The following GRAMD1B variants were observed in gnomAD, a reference collection of about 807,000 sequenced individuals.
The protein encoded by GRAMD1B is GRAM domain containing 1B, also known as protein Aster-B.
GRAMD1B carries 37 observed loss-of-function variants against 99.7 expected under a neutral mutation model. The observed-to-expected ratio is 0.37, with a 90% CI of 0.29 to 0.49. GRAMD1B has a LOEUF of 0.49. Ranked by LOEUF, GRAMD1B falls within the 20% of genes least tolerant of loss-of-function variation. GRAMD1B has a pLI of 0.98. For missense variants in GRAMD1B, 888 were observed against 1,009.2 expected, an observed-to-expected ratio of 0.88 and a Z score of 1.63; for synonymous variants, 427 against 387.6, an observed-to-expected ratio of 1.10 and a Z score of -1.19.
chr11:123,613,881 G>A (rs1013311340), intron 16 of GRAMD1B, among the ~76,000 whole-genome samples: 1 of 152,182 alleles, frequency 6.6e-6, no homozygotes, highest in South Asian at 2.1e-4. Flanking sequence ...ATTAACAAAA[G>A]CTGCCTTAGT....
In GRAMD1B at chr11:123,597,892, G is replaced by A. The variant is rs893644198; in HGVS notation, c.969+1855G>A. 5 of 846,546 alleles carry A rather than the reference G, an allele frequency of 5.9e-6. No homozygotes were observed. The African/African-American group carries it at 6.7e-5, about 11-fold the overall frequency. The allele number at this position is 846,546 out of a possible 1,614,324, so 52.4% of individuals were successfully genotyped here. On this transcript the variant is annotated intron_variant, in intron 7 of 19. Transcript: ENST00000635736. ...TTGGTTGGGAGAAATAGAACAAGCA[G>A]ATCTCAGGGAAGCCTGGGCTAGCCC... is the stretch of plus-strand genomic sequence containing the variant.
intron 16 of GRAMD1B, 129 bp from the exon 17 acceptor site, chr11:123,614,616 C>T (rs73029866): frequency 0.038 from 22,461 of 590,432 alleles, 599 homozygotes; most frequent in African/African-American, 0.092. Flanking sequence ...CTCCGCATAT[C>T]GTTGCTGTCA....
At chr11:123,505,686 C>T (rs1043344232) in intron 2 of GRAMD1B, among the ~76,000 whole-genome samples, 1 of 152,116 alleles carries the variant, frequency 6.6e-6, no homozygotes, top group Non-Finnish European at 1.5e-5. Flanking sequence ...GCTGAGTGGT[C>T]GAGTCAGAAT....
chr11:123,532,128 C>T (rs1041100556), intron 2 of GRAMD1B, among the ~76,000 whole-genome samples: 4 of 152,154 alleles, frequency 2.6e-5, no homozygotes, highest in Non-Finnish European at 5.9e-5. Context: ...CCATTCCCTC[C>T]CCCTTTCACC....
chr11:123,366,232 G>A (rs559313355), intron 1 of GRAMD1B, among the ~76,000 whole-genome samples: 1 of 152,324 alleles, frequency 6.6e-6, no homozygotes, highest in African/African-American at 2.4e-5. Context: ...GCTTTATTTA[G>A]CAGTTAGATC....
intron 1 of GRAMD1B, among the ~76,000 whole-genome samples, chr11:123,377,302 C>T (rs1274913686): frequency 1.3e-5 from 2 of 152,092 alleles, no homozygotes; most frequent in African/African-American, 4.8e-5. Context: ...CATCAGCAAC[C>T]AAATTAATTC....
At chr11:123,572,270 C>G (rs77060150) in intron 2 of GRAMD1B, among the ~76,000 whole-genome samples, 1 of 152,204 alleles carries the variant, frequency 6.6e-6, no homozygotes, top group Non-Finnish European at 1.5e-5. Context: ...TCCATCCCTA[C>G]AGCATATGTA....
At chr11:123,458,052 A>G (rs889740381) in intron 1 of GRAMD1B, among the ~76,000 whole-genome samples, 7 of 152,218 alleles carry the variant, frequency 4.6e-5, no homozygotes, top group Admixed American at 1.3e-4. Context: ...CACTTTATGC[A>G]TGACTCCACG....
intron 2 of GRAMD1B, among the ~76,000 whole-genome samples, chr11:123,565,583 T>C (rs1242837751): frequency 6.6e-6 from 1 of 152,210 alleles, no homozygotes; most frequent in East Asian, 1.9e-4. Flanking sequence ...CTGAGACTCA[T>C]GGAGGAATGA....
chr11:123,368,823 G>C (rs1229809717), intron 1 of GRAMD1B, among the ~76,000 whole-genome samples: 1 of 151,946 alleles, frequency 6.6e-6, no homozygotes, highest in Non-Finnish European at 1.5e-5. Context: ...GGCAAAAATA[G>C]TGTCAATGAA....
At chr11:123,366,196 A>G (rs914472152) in intron 1 of GRAMD1B, among the ~76,000 whole-genome samples, 3 of 152,212 alleles carry the variant, frequency 2.0e-5, no homozygotes, top group African/African-American at 7.2e-5. Flanking sequence ...GAAAGTGCAT[A>G]CCCAGGTAAA....
At chr11:123,435,112 G>A (rs533279285) in intron 1 of GRAMD1B, among the ~76,000 whole-genome samples, 58 of 152,282 alleles carry the variant, frequency 3.8e-4, no homozygotes, top group Middle Eastern at 3.4e-3. Flanking sequence ...ACATACTCAC[G>A]TGTCCTGGAG....
intron 2 of GRAMD1B, among the ~76,000 whole-genome samples, chr11:123,549,521 G>A (rs1468854018): frequency 2.6e-5 from 4 of 151,862 alleles, no homozygotes; most frequent in African/African-American, 9.7e-5. Context: ...CAGTCTAGGC[G>A]ACAGAGTGAG....
intron 1 of GRAMD1B, among the ~76,000 whole-genome samples, chr11:123,398,857 C>A (rs1180929840): frequency 6.6e-6 from 1 of 152,210 alleles, no homozygotes; most frequent in African/African-American, 2.4e-5. Flanking sequence ...ATCATCATCA[C>A]AACCTGTGCC....
chr11:123,390,213 T>C (rs75820525), intron 1 of GRAMD1B, among the ~76,000 whole-genome samples: 9,237 of 151,392 alleles, frequency 0.061, 763 homozygotes, highest in African/African-American at 0.19. Flanking sequence ...TGGTGTTTGA[T>C]ATTGATTTCT....
chr11:123,521,925 A>C (rs569811001), intron 2 of GRAMD1B, among the ~76,000 whole-genome samples: 1 of 152,260 alleles, frequency 6.6e-6, no homozygotes, highest in East Asian at 1.9e-4. Flanking sequence ...AATATTTCTT[A>C]CTTTTTTGAT....
At chr11:123,574,214 G>A (rs1057287884) in intron 2 of GRAMD1B, among the ~76,000 whole-genome samples, 1 of 152,160 alleles carries the variant, frequency 6.6e-6, no homozygotes, top group African/African-American at 2.4e-5. Context: ...GGAATTGGGG[G>A]AAAGTGTATA....
chr11:123,560,779 C>T, intron 2 of GRAMD1B: 1 of 446,876 alleles, frequency 2.2e-6, no homozygotes, highest in Non-Finnish European at 4.5e-6. Flanking sequence ...GTGGCTCTGT[C>T]CTGGGGTCAG....
chr11:123,464,547 A>G (rs1001341489), intron 1 of GRAMD1B, among the ~76,000 whole-genome samples: 4 of 152,114 alleles, frequency 2.6e-5, no homozygotes, highest in African/African-American at 7.2e-5. Flanking sequence ...GACCGTTTCA[A>G]TAGAGTGGGA....
Sources: allele counts gnomAD v4.1 joint callset (sites outside exome capture counted in the v4.1 genomes callset), GRCh38; gene constraint gnomAD v4.1.1; transcripts MANE v1.5; gene names NCBI Gene and HGNC (gene_info 2026-07-23, HGNC 2026-07-21).